SMYD3: variants seen among roughly 807,000 people sequenced by gnomAD.
SMYD3 encodes the protein SET and MYND domain containing 3, also known as histone-lysine N-methyltransferase SMYD3.
A neutral mutation model predicts 57.7 loss-of-function variants in SMYD3; 36 were observed. The observed-to-expected ratio is 0.62, with a 90% confidence interval of 0.48 to 0.82. The LOEUF (loss-of-function observed/expected upper bound fraction) is 0.82. SMYD3 is among the 40% of genes least tolerant of loss of function. The probability of loss-of-function intolerance (pLI) is 0.00; values close to 1 mark genes in which losing one functional copy is unlikely to be tolerated. For missense variants in SMYD3, 515 were observed against 538.8 expected, an observed-to-expected ratio of 0.96 and a Z score of 0.44; for synonymous variants, 211 against 195.0, an observed-to-expected ratio of 1.08 and a Z score of -0.68.
At chr1:246,153,310 C>G (rs1306454662) in intron 5 of SMYD3, among the ~76,000 whole-genome samples, 1 of 151,958 alleles carries the variant, frequency 6.6e-6, no homozygotes, top group Non-Finnish European at 1.5e-5. Flanking sequence ...TCCACATCCT[C>G]TCTGTCTCCT....
rs142441522 is a variant in SMYD3 at position 246,502,200 on chromosome 1, G to A, written c.164+4854C>T. 4.8e-3 allele frequency among the ~76,000 whole-genome samples: 730 copies of A among 151,162 alleles called. 9 individuals are homozygous for A. The highest frequency in any genetic ancestry group is 0.016 in the African/African-American group (677 of 41,096). On this transcript the variant is annotated intron_variant, in intron 1 of 11. Coordinates refer to ENST00000490107, the MANE Select transcript of SMYD3 (RefSeq NM_001167740.2). ...GTCACCCAGGCTGGAGTGCAGTGGC[G>A]TGATCACCACTCACTGCAACCTCCA...
chr1:246,264,204 T>C (rs918826275), intron 5 of SMYD3, among the ~76,000 whole-genome samples: 3 of 152,242 alleles, frequency 2.0e-5, no homozygotes, highest in Non-Finnish European at 4.4e-5. Flanking sequence ...CTGTATATTC[T>C]TTTTAAATTA....
intron 1 of SMYD3, among the ~76,000 whole-genome samples, chr1:246,491,857 A>G (rs2068276912): frequency 1.3e-5 from 2 of 152,174 alleles, no homozygotes; most frequent in South Asian, 4.1e-4. Flanking sequence ...TGGACCTCAG[A>G]CAAGGCCACT....
intron 1 of SMYD3, among the ~76,000 whole-genome samples, chr1:246,398,345 T>C (rs2066710201): frequency 6.6e-6 from 1 of 152,220 alleles, no homozygotes; most frequent in South Asian, 2.1e-4. Flanking sequence ...CGTGGTTAGT[T>C]TGGCCCACGC....
At chr1:246,275,685 T>A (rs2064317492) in intron 5 of SMYD3, among the ~76,000 whole-genome samples, 2 of 151,780 alleles carry the variant, frequency 1.3e-5, no homozygotes, top group African/African-American at 4.8e-5. Flanking sequence ...GTTTGAATAC[T>A]AACTCTGTTT....
intron 5 of SMYD3, among the ~76,000 whole-genome samples, chr1:246,294,755 C>T (rs954898675): frequency 6.6e-6 from 1 of 152,130 alleles, no homozygotes; most frequent in Non-Finnish European, 1.5e-5. Context: ...CCCACCACCT[C>T]GCCCAGCTAA....
intron 5 of SMYD3, among the ~76,000 whole-genome samples, chr1:246,171,150 G>GT (rs2062323993): frequency 6.6e-6 from 1 of 152,090 alleles, no homozygotes; most frequent in African/African-American, 2.4e-5. Flanking sequence ...CACGCATTGG[G>GT]TGAGGTAGAA....
chr1:245,927,540 C>T (rs982489614), intron 7 of SMYD3, among the ~76,000 whole-genome samples: 1 of 152,090 alleles, frequency 6.6e-6, no homozygotes, highest in African/African-American at 2.4e-5. Context: ...CTTGGGGATC[C>T]CACTCACAAG....
chr1:246,115,056 A>G (rs1354264327), intron 5 of SMYD3, among the ~76,000 whole-genome samples: 1 of 152,248 alleles, frequency 6.6e-6, no homozygotes, highest in Non-Finnish European at 1.5e-5. Flanking sequence ...AGTTAAGGTG[A>G]CAAAGTTGAG....
chr1:246,396,596 T>C (rs2066677206), intron 1 of SMYD3, among the ~76,000 whole-genome samples: 1 of 151,082 alleles, frequency 6.6e-6, no homozygotes, highest in Non-Finnish European at 1.5e-5. Flanking sequence ...ATGATATGGT[T>C]TGGCTCTGTG....
At chr1:245,825,073 C>G (rs1356749428) in intron 10 of SMYD3, among the ~76,000 whole-genome samples, 2 of 152,038 alleles carry the variant, frequency 1.3e-5, no homozygotes, top group Non-Finnish European at 2.9e-5. Context: ...GTAAACTCGC[C>G]AAGAGCTCAG....
chr1:246,261,269 G>C (rs1437446935), intron 5 of SMYD3, among the ~76,000 whole-genome samples: 1 of 151,830 alleles, frequency 6.6e-6, no homozygotes, highest in Non-Finnish European at 1.5e-5. Context: ...GTGTTAGCCA[G>C]GATGGTCTCG....
chr1:246,100,158 C>G (rs2060983404), intron 5 of SMYD3, among the ~76,000 whole-genome samples: 1 of 152,140 alleles, frequency 6.6e-6, no homozygotes, highest in Non-Finnish European at 1.5e-5. Context: ...CCGTGGTGAG[C>G]TATGGTTGCG....
At chr1:246,442,636 C>G (rs531924723) in intron 1 of SMYD3, among the ~76,000 whole-genome samples, 6 of 152,056 alleles carry the variant, frequency 3.9e-5, no homozygotes, top group Non-Finnish European at 7.4e-5. Context: ...ATGAAAGAAT[C>G]TAATGATAAA....
At chr1:246,314,771 C>A (rs1346354445) in intron 5 of SMYD3, among the ~76,000 whole-genome samples, 2 of 152,224 alleles carry the variant, frequency 1.3e-5, no homozygotes, top group South Asian at 4.1e-4. Flanking sequence ...TAAACACGGA[C>A]ATACAGAATC....
chr1:246,378,754 T>TA (rs1408005837), intron 1 of SMYD3, among the ~76,000 whole-genome samples: 6 of 38,622 alleles, frequency 1.6e-4, no homozygotes, highest in African/African-American at 5.8e-4. Flanking sequence ...ATATATAATA[T>TA]ATTTAATATA....
At chr1:246,320,843 T>A (rs2065235429) in intron 5 of SMYD3, among the ~76,000 whole-genome samples, 1 of 152,204 alleles carries the variant, frequency 6.6e-6, no homozygotes, top group African/African-American at 2.4e-5. Flanking sequence ...TTTTAAGGGA[T>A]AGAATAGAGA....
intron 5 of SMYD3, among the ~76,000 whole-genome samples, chr1:245,934,653 A>C (rs1489545809): frequency 1.3e-5 from 2 of 152,262 alleles, no homozygotes; most frequent in Non-Finnish European, 2.9e-5. Context: ...AGCTCAGGAG[A>C]GGAGAGGCTA....
chr1:245,808,490 C>T (rs2048300640), intron 10 of SMYD3, among the ~76,000 whole-genome samples: 2 of 152,218 alleles, frequency 1.3e-5, no homozygotes. Flanking sequence ...TCCACTTTCA[C>T]TTTATCTGAG....
Sources: gnomAD v4.1 joint callset for allele counts (sites outside exome capture counted in the v4.1 genomes callset) on GRCh38, gnomAD v4.1.1 for gene constraint, MANE v1.5 for transcripts, NCBI Gene and HGNC (gene_info 2026-07-23, HGNC 2026-07-21) for gene names.